BRI3: variants seen among roughly 807,000 people sequenced by gnomAD.
BRI3 encodes membrane protein BRI3.
Under a neutral mutation model 12.8 loss-of-function variants are expected in BRI3, and 6 were observed. The observed-to-expected ratio is 0.47, with a 90% CI of 0.26 to 0.93. BRI3 has a LOEUF of 0.93. Ranked by LOEUF, BRI3 falls within the 40% of genes least tolerant of loss-of-function variation. The pLI is 0.15. For synonymous variants in BRI3, 91 were observed against 76.1 expected (o/e 1.20, Z -1.02); for missense variants, 134 against 171.1 (o/e 0.78, Z 1.21).
upstream of BRI3, among the ~76,000 whole-genome samples, chr7:98,303,780 C>G (rs189218540): frequency 6.6e-6 from 1 of 152,200 alleles, no homozygotes; most frequent in Admixed American, 6.5e-5. Context: ...ATCCACAGTG[C>G]CTGGGAGTAA....
rs543504478 is a variant in BRI3 at position 98,290,238 on chromosome 7, G to C, written c.246-873G>C. 2.8e-5 allele frequency among the ~76,000 whole-genome samples: 4 copies of C among 142,214 alleles called. No individual in the cohort carries two copies. The East Asian group carries it at 8.6e-4, about 31-fold the overall frequency. The allele number at this position is 142,214 out of a possible 152,430, so 93.3% of individuals were successfully genotyped here. Reference sequence around the variant, plus strand: ...GAGTCTCGCTCTGTCGCCCAGGCCGGACTGTGGACTGCAGTGGCACAATCT... The same window carrying C: ...GAGTCTCGCTCTGTCGCCCAGGCCGCACTGTGGACTGCAGTGGCACAATCT... On this transcript the variant is annotated intron_variant, in intron 2 of 2. Coordinates refer to ENST00000297290, the MANE Select transcript of BRI3 (RefSeq NM_015379.5).
downstream of BRI3, chr7:98,291,546 C>T (rs190991514): frequency 2.2e-5 from 25 of 1,153,466 alleles, no homozygotes; most frequent in East Asian, 6.0e-5. Flanking sequence ...GCTGCTTACT[C>T]GGTGCTTTCA....
Position 98,291,210 on chromosome 7 carries a change from A to C in BRI3, c.345A>C (p.Arg115=), listed in dbSNP as rs1799936999. The C allele has an allele frequency of 1.2e-6, 2 of 1,613,624 alleles. No individual in the cohort carries two copies. The highest frequency in any genetic ancestry group is 1.7e-6 in the Non-Finnish European group (2 of 1,180,038). The change falls in exon 3 of 3, where the codon CGA becomes CGC. Residue 115 remains arginine (R), a synonymous_variant. Transcript: ENST00000297290. ...TTTGCTGTTTTGCCTTGAGGAAGCG[A>C]CGATGCCCCAACTGTGGAGCCACCT... is the stretch of plus-strand genomic sequence containing the variant. The part of the protein sequence containing the change: ...GFICCFALRK[R]RCPNCGATFA
At chr7:98,299,858 T>C (rs1382811429) in intron 1 of BRI3, among the ~76,000 whole-genome samples, 1 of 151,904 alleles carries the variant, frequency 6.6e-6, no homozygotes, top group African/African-American at 2.4e-5. Flanking sequence ...CTGGCCAACA[T>C]GGTGAAACCC....
At chr7:98,311,497 C>T (rs761720902), downstream of BRI3, among the ~76,000 whole-genome samples, 18 of 151,370 alleles carry the variant, frequency 1.2e-4, no homozygotes, top group African/African-American at 3.6e-4. Context: ...GCCGAGATTG[C>T]GCCATTGCAC....
At chr7:98,300,403 G>A (rs1800371819) in intron 1 of BRI3, among the ~76,000 whole-genome samples, 2 of 152,232 alleles carry the variant, frequency 1.3e-5, no homozygotes, top group South Asian at 2.1e-4. Context: ...TGTCTACAGA[G>A]GCTGGATGCG....
At chr7:98,288,021 G>A (rs1360720486) in intron 2 of BRI3, among the ~76,000 whole-genome samples, 1 of 152,216 alleles carries the variant, frequency 6.6e-6, no homozygotes, top group East Asian at 1.9e-4. Context: ...GCTGAGGGGT[G>A]CCCGGTGACA....
the BRI3 span, among the ~76,000 whole-genome samples, chr7:98,319,378 C>T: frequency 2.6e-5 from 4 of 152,168 alleles, no homozygotes; most frequent in Non-Finnish European, 4.4e-5. Context: ...GAGCCCCGGA[C>T]GGTGCTCTCC....
intron 1 of BRI3, 61 bp downstream of exon 1, chr7:98,281,998 AC>A: frequency 7.8e-7 from 1 of 1,281,848 alleles, no homozygotes. Flanking sequence ...CGGTCGGGGG[AC>A]GTGGGTCCGG....
At chr7:98,300,695 G>A (rs750719688) in intron 1 of BRI3, among the ~76,000 whole-genome samples, 2 of 152,064 alleles carry the variant, frequency 1.3e-5, no homozygotes, top group East Asian at 1.9e-4. Flanking sequence ...AAGCACCACC[G>A]TGAGGTGCGA....
chr7:98,320,180 A>T, the BRI3 span: 1 of 1,590,902 alleles, frequency 6.3e-7, no homozygotes, highest in Admixed American at 1.7e-5. Flanking sequence ...TTTAAGCAAA[A>T]TAAGTTCTAA....
downstream of BRI3, chr7:98,292,616 C>T: frequency 6.4e-7 from 1 of 1,551,352 alleles, no homozygotes; most frequent in Non-Finnish European, 8.7e-7. Context: ...GGCTGCTAGG[C>T]TGAAAAACCC....
At chr7:98,288,012 C>G (rs886158812) in intron 2 of BRI3, among the ~76,000 whole-genome samples, 1 of 152,180 alleles carries the variant, frequency 6.6e-6, no homozygotes, top group African/African-American at 2.4e-5. Context: ...ATTGGGCTGG[C>G]TGAGGGGTGC....
At chr7:98,294,159 T>C, downstream of BRI3, 6 of 1,592,212 alleles carry the variant, frequency 3.8e-6, no homozygotes, top group Non-Finnish European at 5.2e-6. Context: ...ATTGGTCTTT[T>C]AAAAATTATT....
downstream of BRI3, among the ~76,000 whole-genome samples, chr7:98,297,247 C>T (rs999595689): frequency 7.2e-5 from 11 of 152,366 alleles, no homozygotes; most frequent in African/African-American, 2.6e-4. Flanking sequence ...TGGCTGACCA[C>T]CCATCACTCG....
chr7:98,313,678 G>C (rs914571419), downstream of BRI3, among the ~76,000 whole-genome samples: 7 of 152,104 alleles, frequency 4.6e-5, no homozygotes, highest in South Asian at 2.1e-4. Context: ...GAGTGCACTG[G>C]CACAATCACA....
intron 2 of BRI3, among the ~76,000 whole-genome samples, chr7:98,290,118 C>T (rs1308228798): frequency 6.6e-6 from 1 of 151,378 alleles, no homozygotes; most frequent in Non-Finnish European, 1.5e-5. Context: ...CTGCTAGTTG[C>T]TCCTTTTCTA....
upstream of BRI3, among the ~76,000 whole-genome samples, chr7:98,302,261 G>A (rs1429947127): frequency 1.3e-5 from 2 of 152,142 alleles, no homozygotes; most frequent in Non-Finnish European, 2.9e-5. Context: ...CGATAAATAC[G>A]CTGACAATGA....
At chr7:98,302,104 G>T (rs778204741), upstream of BRI3, among the ~76,000 whole-genome samples, 7 of 152,206 alleles carry the variant, frequency 4.6e-5, no homozygotes, top group Non-Finnish European at 1.0e-4. Context: ...ATGAAGCCAG[G>T]TCACCTTTCC....
Sources: allele counts gnomAD v4.1 joint callset (sites outside exome capture counted in the v4.1 genomes callset), GRCh38; gene constraint gnomAD v4.1.1; transcripts MANE v1.5; gene names NCBI Gene and HGNC (gene_info 2026-07-23, HGNC 2026-07-21).